Variants in FRYL observed in about 807,000 individuals in gnomAD.
FRYL encodes protein furry homolog-like.
In FRYL, 150 loss-of-function variants were observed where a neutral mutation model predicts 351.2. The observed-to-expected ratio is 0.43, with a 90% CI of 0.37 to 0.49. FRYL has a LOEUF of 0.49. FRYL is among the 20% of genes least tolerant of loss of function. The pLI is 0.00. For synonymous variants in FRYL, 1,153 were observed against 1,257.1 expected, an observed-to-expected ratio of 0.92 and a Z score of 1.75; for missense variants, 3,036 against 3,619.3, an observed-to-expected ratio of 0.84 and a Z score of 4.13.
chr4:48,516,901 G>A (rs1465711775), intron 55 of FRYL, among the ~76,000 whole-genome samples: 1 of 152,132 alleles, frequency 6.6e-6, no homozygotes, highest in Non-Finnish European at 1.5e-5. Flanking sequence ...TCTCCTTGGA[G>A]GAAACAGCAT....
Position 48,540,828 on chromosome 4 carries a change from G to A in FRYL, c.5820C>T (p.Asn1940=), listed in dbSNP as rs1053266617. The part of the protein sequence containing the change: ...YLGYNSNARS[N]SLRLSLIGDR... ...CACCAATCAAACTTAATCTCAAAGA[G>A]TTACTTCTTGCATTACTGTTATATC... Residue 1940 remains asparagine (N), a synonymous_variant, in exon 46 of 64, where the codon AAC becomes AAT. Transcript: ENST00000358350. 4 of 1,613,966 alleles carry A rather than the reference G, an allele frequency of 2.5e-6. No individual in the cohort carries two copies. The highest frequency in any genetic ancestry group is 3.4e-6 in the Non-Finnish European group (4 of 1,179,936).
At chr4:48,663,695 A>C (rs1314771563) in intron 3 of FRYL, among the ~76,000 whole-genome samples, 2 of 147,444 alleles carry the variant, frequency 1.4e-5, no homozygotes, top group Non-Finnish European at 3.0e-5. Flanking sequence ...GAATGGCGTG[A>C]ACCCGGGAGG....
At chr4:48,520,982 G>A (rs1724780668) in intron 55 of FRYL, 66 bp downstream of exon 55, 16 of 1,140,376 alleles carry the variant, frequency 1.4e-5, no homozygotes, top group Admixed American at 5.4e-5. Context: ...AAAGAAAAGC[G>A]GGAGCTATAA....
At chr4:48,678,440 C>T (rs1332989689) in intron 3 of FRYL, among the ~76,000 whole-genome samples, 5 of 130,312 alleles carry the variant, frequency 3.8e-5, no homozygotes, top group Non-Finnish European at 7.8e-5. Flanking sequence ...ACAAGGGAGG[C>T]GGAGGTTGCA....
At chr4:48,771,402 C>T (rs1481833862) in intron 1 of FRYL, among the ~76,000 whole-genome samples, 1 of 152,182 alleles carries the variant, frequency 6.6e-6, no homozygotes, top group African/African-American at 2.4e-5. Flanking sequence ...CTTTTAATAT[C>T]TGCTCTTTGA....
chr4:48,691,434 A>G (rs1406790158), intron 2 of FRYL, among the ~76,000 whole-genome samples: 5 of 152,164 alleles, frequency 3.3e-5, no homozygotes, highest in Non-Finnish European at 7.3e-5. Context: ...AATATTCCAC[A>G]TACATTTTTA....
rs1369282947 is a variant in FRYL, at chr4:48,684,086, G to A, written c.-81+587C>T. ...CTGCACTTTCAACTGGAGAGAGCAA[G>A]GGGTTAAGGTAATAGGGATAGGATT... On this transcript the variant is annotated intron_variant, in intron 3 of 63. Coordinates refer to ENST00000358350, the MANE Select transcript of FRYL (RefSeq NM_015030.2). Among the ~76,000 whole-genome samples the A allele has an allele frequency of 7.2e-5, 11 of 152,176 alleles. No homozygotes were observed. In the East Asian group the frequency reaches 2.1e-3, roughly 29 times the overall value.
At chr4:48,592,082 T>TTTTATATATATATATATATATA (rs1553941949) in intron 16 of FRYL, among the ~76,000 whole-genome samples, 29 of 116,176 alleles carry the variant, frequency 2.5e-4, no homozygotes, top group Non-Finnish European at 4.2e-4. Context: ...AATAAAGCTC[T>TTTTATATATATATATATATATA]TATATATATA....
chr4:48,716,495 C>T (rs923420265), intron 1 of FRYL, among the ~76,000 whole-genome samples: 3 of 151,632 alleles, frequency 2.0e-5, no homozygotes, highest in Non-Finnish European at 4.4e-5. Context: ...CAAAAGAGGA[C>T]ATTTATGCAG....
chr4:48,520,584 A>T (rs1264092336), intron 55 of FRYL: 2 of 152,346 alleles, frequency 1.3e-5, no homozygotes, highest in Non-Finnish European at 2.9e-5. Context: ...TTTCCAAAAA[A>T]CATAATACTA....
intron 1 of FRYL, among the ~76,000 whole-genome samples, chr4:48,737,303 A>G (rs1403197728): frequency 6.6e-6 from 1 of 151,920 alleles, no homozygotes; most frequent in Non-Finnish European, 1.5e-5. Flanking sequence ...GACAACCAAT[A>G]GTACAGATTC....
In FRYL at chr4:48,567,172, T is replaced by G; in HGVS notation, c.3169+76A>C. The G allele has an allele frequency of 8.2e-7, 1 of 1,213,076 alleles. No homozygotes were observed. The highest frequency in any genetic ancestry group is 1.2e-6 in the Non-Finnish European group (1 of 867,086). 75.1% of individuals were successfully genotyped at this position (1,213,076 alleles called of 1,614,324 possible). A position where few individuals can be genotyped will look rare whatever the true frequency, so the allele number is the denominator to read the frequency against. ...CATACGTTACTTTATCAACTTAGAT[T>G]ATTAAACCTCAAGGAAAGAAAAAAT... On this transcript the variant is annotated intron_variant, in intron 28 of 63. Coordinates refer to ENST00000358350, the MANE Select transcript of FRYL (RefSeq NM_015030.2). The surrounding 1 kb of genome is among the most constrained non-coding windows in gnomAD (Gnocchi z 4.2).
At chr4:48,631,723 TA>T (rs955153906) in intron 4 of FRYL, among the ~76,000 whole-genome samples, 22 of 151,744 alleles carry the variant, frequency 1.4e-4, no homozygotes, top group African/African-American at 2.4e-4. Flanking sequence ...TCATTTAGCT[TA>T]GGGGGGGATG....
chr4:48,751,864 T>C (rs1221745871), intron 1 of FRYL, among the ~76,000 whole-genome samples: 1 of 149,812 alleles, frequency 6.7e-6, no homozygotes, highest in Non-Finnish European at 1.5e-5. Flanking sequence ...GGTCACCTGA[T>C]TTCCTAAGCA....
rs1309309666 is a variant in FRYL, at chr4:48,595,680, C to G, written c.1158G>C (p.Val386=). Residue 386 remains valine (V), a synonymous_variant, in exon 15 of 64, where the codon GTG becomes GTC. Coordinates refer to ENST00000358350, the MANE Select transcript of FRYL (RefSeq NM_015030.2). ...GTGAGCCTTTTGGAAAAAGTGCTGA[C>G]ACTATGCTCATAAGACGACTACAGG... The part of the protein sequence containing the change: ...TVTQSRLMSI[V]SALFPKGSRS... 6.2e-7 allele frequency: 1 copy of G among 1,611,346 alleles called. No homozygotes were observed. The highest frequency in any genetic ancestry group is 8.5e-7 in the Non-Finnish European group (1 of 1,177,926).
intron 3 of FRYL, among the ~76,000 whole-genome samples, chr4:48,640,344 C>G (rs2149390998): frequency 6.6e-6 from 1 of 152,196 alleles, no homozygotes; most frequent in Middle Eastern, 3.4e-3. Flanking sequence ...AATGAGCTAT[C>G]AAGCTATGTA....
At chr4:48,752,155 G>C (rs567580765) in intron 1 of FRYL, among the ~76,000 whole-genome samples, 217 of 152,328 alleles carry the variant, frequency 1.4e-3, no homozygotes, top group African/African-American at 5.1e-3. Flanking sequence ...ATGTGGAGGT[G>C]CACCACTCAC....
intron 2 of FRYL, among the ~76,000 whole-genome samples, chr4:48,706,936 G>C (rs1263864116): frequency 6.6e-6 from 1 of 152,052 alleles, no homozygotes; most frequent in African/African-American, 2.4e-5. Flanking sequence ...TTGAGTTGTG[G>C]GATGATTGCA....
Position 48,531,499 on chromosome 4 carries a change from G to A in FRYL, c.6706-146C>T, listed in dbSNP as rs1356203370. ...TGAAGATCCTTAATGAAAGGTTTGA[G>A]TTACAAAAGGAAAGAAAACACAAGT... On this transcript the variant is annotated intron_variant, in intron 49 of 63. Transcript: ENST00000358350. The A allele has an allele frequency of 2.1e-5, 13 of 623,468 alleles. No homozygotes were observed. In the East Asian group the frequency reaches 3.6e-4, roughly 17 times the overall value. The allele number at this position is 623,468 out of a possible 1,614,324, so 38.6% of individuals were successfully genotyped here. A position where few individuals can be genotyped will look rare whatever the true frequency, so the allele number is the denominator to read the frequency against.
Sources: allele counts gnomAD v4.1 joint callset (sites outside exome capture counted in the v4.1 genomes callset), GRCh38; gene constraint gnomAD v4.1.1; non-coding constraint Gnocchi (gnomAD v3.1); transcripts MANE v1.5; gene names NCBI Gene and HGNC (gene_info 2026-07-23, HGNC 2026-07-21).